The following PHF11 variants were observed in gnomAD, a reference collection of about 807,000 sequenced individuals.
The protein encoded by PHF11 is BRCA1 C-terminus-associated protein.
PHF11 carries 38 observed loss-of-function variants against 40.5 expected under a neutral mutation model. The ratio of observed to expected loss-of-function variants is 0.94; its 90% confidence interval spans 0.72 to 1.23. PHF11 has a LOEUF of 1.23. Among genes scored for constraint, PHF11 ranks in the 50% most tolerant of loss-of-function variants. PHF11 has a pLI of 0.00. For missense variants in PHF11, 369 were observed against 392.4 expected (o/e 0.94, Z 0.50); for synonymous variants, 127 against 138.2 (o/e 0.92, Z 0.57).
chr13:49,526,678 T>C (rs1037448846), intron 9 of PHF11, among the ~76,000 whole-genome samples: 10 of 140,644 alleles, frequency 7.1e-5, no homozygotes, highest in African/African-American at 2.1e-4. Flanking sequence ...AAGCTGCACC[T>C]GGTGGAGACA....
At chr13:49,511,626 C>A (rs1959084421) in intron 2 of PHF11, among the ~76,000 whole-genome samples, 1 of 152,172 alleles carries the variant, frequency 6.6e-6, no homozygotes, top group Non-Finnish European at 1.5e-5. Flanking sequence ...CCGCACCCGG[C>A]TATTCAGTAA....
At chr13:49,522,620 A>ACAT (rs1959193620) in intron 6 of PHF11, among the ~76,000 whole-genome samples, 1 of 152,210 alleles carries the variant, frequency 6.6e-6, no homozygotes, top group Non-Finnish European at 1.5e-5. Flanking sequence ...ACACATCAGC[A>ACAT]CATATAAGCT....
Position 49,521,090 on chromosome 13 carries a change from G to A in PHF11, c.505+150G>A, listed in dbSNP as rs570461753. The A allele has an allele frequency of 7.3e-6, 10 of 1,373,492 alleles. No homozygotes were observed. In the South Asian group the frequency reaches 1.8e-4, roughly 25 times the overall value. 85.1% of individuals were successfully genotyped at this position (1,373,492 alleles called of 1,614,324 possible). On this transcript the variant is annotated intron_variant, in intron 5 of 9. Transcript: ENST00000378319. ...CATCTAGAAAATTGACAACTTCTTT[G>A]TGTACTATGTGATATGACTGACTAA...
At chr13:49,500,053 C>T (rs886815295) in intron 1 of PHF11, among the ~76,000 whole-genome samples, 1 of 152,152 alleles carries the variant, frequency 6.6e-6, no homozygotes, top group East Asian at 1.9e-4. Flanking sequence ...TGCAGATTGC[C>T]GGAGAGATTA....
At chr13:49,523,044 T>G in intron 6 of PHF11, 131 bp from the exon 7 acceptor site, 3 of 718,556 alleles carry the variant, frequency 4.2e-6, no homozygotes, top group Non-Finnish European at 7.6e-6. Flanking sequence ...ATTACAGGCG[T>G]GAGACACCGC....
At chr13:49,509,721 C>T (rs1282743007) in intron 2 of PHF11, among the ~76,000 whole-genome samples, 2 of 152,078 alleles carry the variant, frequency 1.3e-5, no homozygotes, top group Admixed American at 6.6e-5. Flanking sequence ...AGGAGTTCCC[C>T]AAAAATCTCT....
chr13:49,528,281 G>A (rs951578292), intron 9 of PHF11, among the ~76,000 whole-genome samples: 2 of 152,130 alleles, frequency 1.3e-5, no homozygotes, highest in African/African-American at 4.8e-5. Flanking sequence ...AATCTTAAGG[G>A]TTTACTGAAC....
intron 7 of PHF11, 158 bp downstream of exon 7, chr13:49,523,399 G>A (rs1959201011): frequency 1.6e-6 from 1 of 615,192 alleles, no homozygotes; most frequent in South Asian, 2.0e-5. Context: ...CCACTCTATT[G>A]TAATCCCAGC....
At chr13:49,501,926 G>A (rs1958914360) in intron 1 of PHF11, among the ~76,000 whole-genome samples, 1 of 151,868 alleles carries the variant, frequency 6.6e-6, no homozygotes, top group East Asian at 2.0e-4. Flanking sequence ...CCTGACCTCA[G>A]GTGATCCACC....
At chr13:49,523,380 C>T (rs1045241070) in intron 7 of PHF11, 139 bp downstream of exon 7, 13 of 635,954 alleles carry the variant, frequency 2.0e-5, no homozygotes, top group African/African-American at 1.1e-4. Flanking sequence ...AAATCTTTAT[C>T]GCAACTGTCC....
chr13:49,496,804 T>C (rs1958818096), intron 1 of PHF11, among the ~76,000 whole-genome samples: 1 of 149,924 alleles, frequency 6.7e-6, no homozygotes, highest in African/African-American at 2.5e-5. Context: ...GGAAAGCTTT[T>C]TGAGGAGAGG....
chr13:49,512,130 G>A (rs4430650), intron 2 of PHF11, among the ~76,000 whole-genome samples: 1 of 151,938 alleles, frequency 6.6e-6, no homozygotes, highest in African/African-American at 2.4e-5. Flanking sequence ...ATATGCCTAA[G>A]GGTTAATGAT....
chr13:49,501,018 T>TTG (rs1958898638), intron 1 of PHF11, among the ~76,000 whole-genome samples: 5 of 42,192 alleles, frequency 1.2e-4, no homozygotes, highest in Non-Finnish European at 2.1e-4. Flanking sequence ...TTTTTTTTGG[T>TTG]TTTTTTTTTT....
At chr13:49,516,233 C>T (rs956000846) in intron 3 of PHF11, among the ~76,000 whole-genome samples, 1 of 151,992 alleles carries the variant, frequency 6.6e-6, no homozygotes, top group African/African-American at 2.4e-5. Flanking sequence ...TTAAACTTTG[C>T]TTTATTTGAT....
chr13:49,524,568 A>AGTG (rs1566197967), intron 8 of PHF11, among the ~76,000 whole-genome samples: 1 of 150,864 alleles, frequency 6.6e-6, no homozygotes, highest in Non-Finnish European at 1.5e-5. Context: ...TCTGCCTCCC[A>AGTG]AGTTCAAGCG....
chr13:49,522,084 C>A lies in PHF11; in HGVS notation c.547C>A (p.Pro183Thr), dbSNP rs145656056. 6.6e-5 allele frequency: 103 copies of A among 1,559,906 alleles called. No individual in the cohort carries two copies. The highest frequency in any genetic ancestry group is 8.9e-5 in the Non-Finnish European group (101 of 1,132,452). Residue 183 changes from proline to threonine, a missense_variant, in exon 6 of 10, where the codon CCC becomes ACC. Pro to Thr is a conservative substitution (Grantham distance 38, BLOSUM62 -1). Transcript: ENST00000378319. ...GAAAAGAAAAAGAGGAAGGAAGAAACCCCTCTCAGGCAATCATGTACAGGT... is the reference window on the plus strand; with the variant it reads ...GAAAAGAAAAAGAGGAAGGAAGAAAACCCTCTCAGGCAATCATGTACAGGT... ...GVKRKRGRKKPLSGNHVQPPE... is the reference protein window; with the variant it reads ...GVKRKRGRKKTLSGNHVQPPE...
At position 49,497,448 on chromosome 13, in the gene PHF11, C is replaced by T. The variant is rs77487389; in HGVS notation, c.94+1353C>T. 1.5e-3 allele frequency among the ~76,000 whole-genome samples: 224 copies of T among 152,270 alleles called. 2 individuals carry two copies. Among genetic ancestry groups the T allele is most frequent in the Middle Eastern group, 3.4e-3 (1 of 294 alleles). On this transcript the variant is annotated intron_variant, in intron 1 of 9. Coordinates refer to ENST00000378319, the MANE Select transcript of PHF11 (RefSeq NM_001040443.3). The stretch of plus-strand genomic sequence containing the variant: ...GGCTCCTCAGGGCCTCTCTTTCCTC[C>T]GGACACCCCTTCTAATGCATCAGTC...
intron 5 of PHF11, 135 bp from the exon 6 acceptor site, chr13:49,521,908 G>A (rs1594219685): frequency 2.0e-6 from 1 of 505,920 alleles, no homozygotes; most frequent in Non-Finnish European, 3.6e-6. Context: ...CATAAGTGCT[G>A]CAAACACTTA....
intron 1 of PHF11, among the ~76,000 whole-genome samples, chr13:49,504,454 T>TA (rs896765310): frequency 2.7e-5 from 4 of 149,130 alleles, no homozygotes; most frequent in Admixed American, 1.3e-4. Context: ...AGACTCTGTC[T>TA]AAAAAAAAAG....
Sources: allele counts gnomAD v4.1 joint callset (sites outside exome capture counted in the v4.1 genomes callset), GRCh38; gene constraint gnomAD v4.1.1; transcripts MANE v1.5; gene names NCBI Gene and HGNC (gene_info 2026-07-23, HGNC 2026-07-21).